The following PNKD variants were observed in gnomAD, a reference collection of about 807,000 sequenced individuals.
The protein encoded by PNKD is probable thioesterase PNKD.
In PNKD, 36 loss-of-function variants were observed where a neutral mutation model predicts 45.3. The ratio of observed to expected loss-of-function variants is 0.80; its 90% CI spans 0.61 to 1.05. The LOEUF (loss-of-function observed/expected upper bound fraction) is 1.05, where lower values mean the gene tolerates loss of function less well. PNKD is among the 50% of genes least tolerant of loss of function. The pLI, the probability that PNKD is intolerant of heterozygous loss-of-function variation, is 0.00. For missense variants in PNKD, 511 were observed against 506.6 expected (o/e 1.01, Z -0.08); for synonymous variants, 197 against 210.1 (o/e 0.94, Z 0.54).
At position 218,340,717 on chromosome 2, in the gene PNKD, C is replaced by T. The variant is rs142473649; in HGVS notation, c.466-11C>T. 230 of 1,612,754 alleles carry T rather than the reference C, an allele frequency of 1.4e-4. No homozygotes were observed. In the African/African-American group the frequency reaches 2.9e-3, roughly 21 times the overall value. On this transcript the variant is annotated splice_polypyrimidine_tract_variant and intron_variant, in intron 4 of 9. Transcript: ENST00000273077. This position sits in a 1 kb window ranked among gnomAD's most constrained non-coding sequence, Gnocchi z 4.2. ...CTGCTCCCCAGTCTCCAAACCTCCTCTCTCTCGCAGGCTTCCATTGAAAAG... is the reference window on the plus strand; with the variant it reads ...CTGCTCCCCAGTCTCCAAACCTCCTTTCTCTCGCAGGCTTCCATTGAAAAG...
intron 2 of PNKD, among the ~76,000 whole-genome samples, chr2:218,292,312 C>T (rs1043051912): frequency 1.1e-4 from 17 of 152,304 alleles, no homozygotes; most frequent in Middle Eastern, 6.8e-3. Context: ...GAGGGGAGAT[C>T]CCCATCTGGA....
At chr2:218,328,759 T>C (rs973153160) in intron 2 of PNKD, among the ~76,000 whole-genome samples, 1 of 152,234 alleles carries the variant, frequency 6.6e-6, no homozygotes, top group Admixed American at 6.5e-5. Flanking sequence ...TGCCCTTTTC[T>C]CCATGAAGCC....
intron 2 of PNKD, among the ~76,000 whole-genome samples, chr2:218,314,359 GC>G (rs1693709159): frequency 6.6e-6 from 1 of 150,902 alleles, no homozygotes; most frequent in Admixed American, 6.6e-5. Context: ...GCAGCTGGAA[GC>G]ACAGGCGTGT....
At chr2:218,272,658 C>T (rs1334115973) in intron 2 of PNKD, 1 of 1,614,202 alleles carries the variant, frequency 6.2e-7, no homozygotes. Flanking sequence ...GAAGGCTCGG[C>T]AGAACATGCG....
At chr2:218,314,755 T>G (rs1693725328) in intron 2 of PNKD, among the ~76,000 whole-genome samples, 1 of 152,036 alleles carries the variant, frequency 6.6e-6, no homozygotes, top group African/African-American at 2.4e-5. Flanking sequence ...AATGGGGCGA[T>G]CTCGGCTTAC....
intron 2 of PNKD, among the ~76,000 whole-genome samples, chr2:218,329,601 G>C (rs1694260924): frequency 6.6e-6 from 1 of 152,214 alleles, no homozygotes; most frequent in Non-Finnish European, 1.5e-5. Flanking sequence ...GAAGTCTGGG[G>C]AAGAACCTGT....
intron 2 of PNKD, chr2:218,290,109 A>G (rs1484805303): frequency 1.3e-5 from 2 of 152,316 alleles, no homozygotes; most frequent in East Asian, 3.9e-4. Flanking sequence ...CTAGCCAGGC[A>G]TTTCCCAGAC....
At chr2:218,275,663 G>GT (rs763929698) in intron 2 of PNKD, 11 of 1,590,788 alleles carry the variant, frequency 6.9e-6, no homozygotes, top group Non-Finnish European at 7.7e-6. Flanking sequence ...TCAGGCATCA[G>GT]TGTCCAGAGC....
intron 2 of PNKD, among the ~76,000 whole-genome samples, chr2:218,322,963 T>C (rs1208453285): frequency 6.6e-6 from 1 of 151,938 alleles, no homozygotes; most frequent in Non-Finnish European, 1.5e-5. Context: ...TGCGAGCTCC[T>C]GCCCCTTCCC....
At chr2:218,281,959 G>A (rs1223291303) in intron 2 of PNKD, 11 of 1,600,506 alleles carry the variant, frequency 6.9e-6, no homozygotes, top group African/African-American at 1.3e-5. Flanking sequence ...TGGGCATCGG[G>A]TGGGTGGGGG....
chr2:218,306,641 A>G (rs2106256058), intron 2 of PNKD, among the ~76,000 whole-genome samples: 1 of 152,288 alleles, frequency 6.6e-6, no homozygotes, highest in Non-Finnish European at 1.5e-5. Context: ...TAAGCTGGTC[A>G]TTCCAAGTCT....
intron 2 of PNKD, among the ~76,000 whole-genome samples, chr2:218,299,159 T>C (rs1351019751): frequency 1.3e-5 from 2 of 152,174 alleles, no homozygotes; most frequent in Non-Finnish European, 2.9e-5. Flanking sequence ...AGACTGAGTT[T>C]CGCTTTTGTC....
chr2:218,313,903 C>CTTTTTTTTTTTT (rs10550174), intron 2 of PNKD, among the ~76,000 whole-genome samples: 1 of 77,714 alleles, frequency 1.3e-5, no homozygotes, highest in Non-Finnish European at 2.7e-5. Flanking sequence ...TTCTTTATTT[C>CTTTTTTTTTTTT]TTTTTTTTTT....
chr2:218,323,113 G>A, intron 2 of PNKD: 2 of 1,226,500 alleles, frequency 1.6e-6, no homozygotes, highest in Non-Finnish European at 1.0e-6. Flanking sequence ...TGGAGGTGGT[G>A]AGGGGGCGGG....
At chr2:218,324,129 TC>T (rs1271002492) in intron 2 of PNKD, among the ~76,000 whole-genome samples, 2 of 151,900 alleles carry the variant, frequency 1.3e-5, no homozygotes, top group Admixed American at 1.3e-4. Flanking sequence ...CTCTACCCCT[TC>T]CTTCCTGGCC....
chr2:218,324,473 A>G (rs1161062270), intron 2 of PNKD, among the ~76,000 whole-genome samples: 1 of 152,206 alleles, frequency 6.6e-6, no homozygotes, highest in East Asian at 1.9e-4. Context: ...ATGCAGATAT[A>G]AAGGCAGGAT....
intron 2 of PNKD, among the ~76,000 whole-genome samples, chr2:218,317,593 G>T (rs569155951): frequency 2.6e-5 from 4 of 152,194 alleles, no homozygotes; most frequent in Non-Finnish European, 5.9e-5. Context: ...GAGACTAAAG[G>T]CTTCCACTGC....
chr2:218,322,719 G>A (rs1694020861), intron 2 of PNKD, among the ~76,000 whole-genome samples: 1 of 152,194 alleles, frequency 6.6e-6, no homozygotes, highest in Admixed American at 6.5e-5. Context: ...CGCTTATTTG[G>A]TTCGTCGCCT....
In PNKD at chr2:218,339,958, C is replaced by T. The variant is rs536023039; in HGVS notation, c.352+60C>T. On this transcript the variant is annotated intron_variant, in intron 3 of 9. Coordinates refer to ENST00000273077, the MANE Select transcript of PNKD (RefSeq NM_015488.5). ...TCTGTGCCCCCACCCTCCCCGCCTG[C>T]TCCCCTTCACATACCCCAGCCCCTG... 2.1e-5 allele frequency: 29 copies of T among 1,412,080 alleles called. No homozygotes were observed. The East Asian group carries it at 6.7e-4, about 32-fold the overall frequency. 87.5% of individuals were successfully genotyped at this position (1,412,080 alleles called of 1,614,324 possible).
Sources: allele counts gnomAD v4.1 joint callset (sites outside exome capture counted in the v4.1 genomes callset), GRCh38; gene constraint gnomAD v4.1.1; non-coding constraint Gnocchi (gnomAD v3.1); transcripts MANE v1.5; gene names NCBI Gene and HGNC (gene_info 2026-07-23, HGNC 2026-07-21).